The following OTOGL variants were observed in gnomAD, a reference collection of about 807,000 sequenced individuals.
The protein encoded by OTOGL is otogelin-like protein.
In OTOGL, 285 loss-of-function variants were observed where a neutral mutation model predicts 318.5. That is an observed-to-expected ratio of 0.89 (90% CI 0.81 to 0.99). The LOEUF is 0.99. Among genes scored for constraint, OTOGL ranks in the 50% least tolerant of loss-of-function variants. OTOGL has a pLI of 0.00. For synonymous variants in OTOGL, 987 were observed against 936.5 expected, an observed-to-expected ratio of 1.05 and a Z score of -0.99; for missense variants, 2,899 against 2,845.6, an observed-to-expected ratio of 1.02 and a Z score of -0.43.
Position 80,239,454 on chromosome 12 carries a change from T to A in OTOGL, c.1052+15T>A, listed in dbSNP as rs1405028235. ...GATCTTTGCAAGTAAGTGAAATGACTTGTAGTTGTAATAAAATTTTCTTTA... is the reference window on the plus strand; with the variant it reads ...GATCTTTGCAAGTAAGTGAAATGACATGTAGTTGTAATAAAATTTTCTTTA... On this transcript the variant is annotated intron_variant, in intron 11 of 58. Coordinates refer to ENST00000547103, the MANE Select transcript of OTOGL (RefSeq NM_001378609.3). 6.6e-7 allele frequency: 1 copy of A among 1,504,696 alleles called. No homozygotes were observed. Among genetic ancestry groups the A allele is most frequent in the South Asian group, 1.3e-5 (1 of 78,310 alleles). 93.2% of individuals were successfully genotyped at this position (1,504,696 alleles called of 1,614,324 possible).
intron 11 of OTOGL, among the ~76,000 whole-genome samples, chr12:80,249,827 C>G (rs370211792): frequency 6.6e-6 from 1 of 151,976 alleles, no homozygotes; most frequent in African/African-American, 2.4e-5. Flanking sequence ...ACTCCGTGGG[C>G]GTAGGACCCT....
At chr12:80,336,344 T>A (rs1038344972) in intron 39 of OTOGL, 69 bp from the exon 40 acceptor site, 165 of 1,440,614 alleles carry the variant, frequency 1.1e-4, no homozygotes, top group Middle Eastern at 2.0e-4. Context: ...CAGATTTTTT[T>A]AAAAGAGCAA....
intron 25 of OTOGL, among the ~76,000 whole-genome samples, chr12:80,278,615 C>T (rs758446890): frequency 9.2e-5 from 14 of 151,490 alleles, no homozygotes; most frequent in Non-Finnish European, 1.6e-4. Context: ...CAAAAGAATA[C>T]CATAAAATAA....
chr12:80,164,413 C>T (rs1873709730), intron 1 of OTOGL, among the ~76,000 whole-genome samples: 1 of 152,152 alleles, frequency 6.6e-6, no homozygotes. Flanking sequence ...AGAATTCAGT[C>T]TCTTTCCTTG....
intron 26 of OTOGL, among the ~76,000 whole-genome samples, chr12:80,290,795 A>G (rs1884992975): frequency 6.6e-6 from 1 of 152,210 alleles, no homozygotes; most frequent in South Asian, 2.1e-4. Flanking sequence ...CATTCATTTA[A>G]TAAAACAATT....
intron 1 of OTOGL, among the ~76,000 whole-genome samples, chr12:80,189,769 G>A (rs1875546736): frequency 6.6e-6 from 1 of 152,176 alleles, no homozygotes; most frequent in Non-Finnish European, 1.5e-5. Flanking sequence ...CACAAGGACA[G>A]CAGGTCTACA....
At chr12:80,146,429 G>A (rs1463071518) in intron 1 of OTOGL, among the ~76,000 whole-genome samples, 1 of 151,324 alleles carries the variant, frequency 6.6e-6, no homozygotes. Flanking sequence ...TGGTGGATAA[G>A]CTTTTTGATG....
intron 42 of OTOGL, among the ~76,000 whole-genome samples, chr12:80,338,407 G>T (rs1888541661): frequency 6.6e-6 from 1 of 151,974 alleles, no homozygotes; most frequent in African/African-American, 2.4e-5. Context: ...ACATTGAATG[G>T]TTGGTGAGGC....
At chr12:80,243,702 A>T (rs1189530871) in intron 11 of OTOGL, among the ~76,000 whole-genome samples, 2 of 151,028 alleles carry the variant, frequency 1.3e-5, no homozygotes, top group Non-Finnish European at 1.5e-5. Context: ...AAATAAAGGA[A>T]AGTTTCTACA....
At chr12:80,295,826 T>A (rs770930307) in intron 26 of OTOGL, among the ~76,000 whole-genome samples, 134 of 152,220 alleles carry the variant, frequency 8.8e-4, no homozygotes, top group Non-Finnish European at 1.6e-3. Context: ...TAACATCCCA[T>A]TGTATCTCAT....
At chr12:80,372,723 C>G (rs1890954886) in intron 57 of OTOGL, among the ~76,000 whole-genome samples, 1 of 149,776 alleles carries the variant, frequency 6.7e-6, no homozygotes, top group South Asian at 2.1e-4. Flanking sequence ...GAGTTTTGCT[C>G]TATTGCCCAG....
At chr12:80,313,439 C>T in intron 30 of OTOGL, 37 bp from the exon 31 acceptor site, 1 of 1,541,774 alleles carries the variant, frequency 6.5e-7, no homozygotes, top group Non-Finnish European at 8.9e-7. Flanking sequence ...TAATCAGTAT[C>T]TATTGAAATT....
At chr12:80,138,099 A>G (rs932578467) in intron 1 of OTOGL, among the ~76,000 whole-genome samples, 1 of 152,164 alleles carries the variant, frequency 6.6e-6, no homozygotes, top group Non-Finnish European at 1.5e-5. Flanking sequence ...CTTTTTTTAG[A>G]CAATCACACA....
intron 27 of OTOGL, 99 bp from the exon 28 acceptor site, chr12:80,302,535 A>G: frequency 1.3e-6 from 1 of 773,742 alleles, no homozygotes; most frequent in South Asian, 5.5e-5. Context: ...CAATATTAGT[A>G]CATAAATAGT....
At chr12:80,303,874 C>T (rs1885936161) in intron 28 of OTOGL, among the ~76,000 whole-genome samples, 1 of 152,256 alleles carries the variant, frequency 6.6e-6, no homozygotes, top group South Asian at 2.1e-4. Context: ...TGGGTGGGGA[C>T]ACAGAGCCAA....
intron 43 of OTOGL, 46 bp downstream of exon 43, chr12:80,339,310 T>TG: frequency 7.0e-7 from 1 of 1,424,708 alleles, no homozygotes; most frequent in Non-Finnish European, 9.4e-7. Context: ...TTTTTTTTTT[T>TG]TTTTTTTTTT....
At chr12:80,328,640 G>A (rs1887859422) in intron 35 of OTOGL, 25 bp from the exon 36 acceptor site, 1 of 1,499,976 alleles carries the variant, frequency 6.7e-7, no homozygotes. Context: ...TCTTCACTTT[G>A]ATTTACTCTT....
intron 9 of OTOGL, among the ~76,000 whole-genome samples, chr12:80,234,556 A>T (rs1159063469): frequency 2.0e-5 from 3 of 152,230 alleles, no homozygotes; most frequent in East Asian, 1.9e-4. Context: ...CATATACTTC[A>T]TAAGGGTTGC....
chr12:80,139,939 A>G (rs1400298776), intron 1 of OTOGL, among the ~76,000 whole-genome samples: 2 of 152,146 alleles, frequency 1.3e-5, no homozygotes, highest in Non-Finnish European at 2.9e-5. Flanking sequence ...GATTTTCATG[A>G]CCTATACCCT....
Sources: allele counts gnomAD v4.1 joint callset (sites outside exome capture counted in the v4.1 genomes callset), GRCh38; gene constraint gnomAD v4.1.1; transcripts MANE v1.5; gene names NCBI Gene and HGNC (gene_info 2026-07-23, HGNC 2026-07-21).